The following NFIB variants were observed in gnomAD, a reference collection of about 807,000 sequenced individuals.
NFIB encodes nuclear factor 1 B-type.
A neutral mutation model predicts 61.5 loss-of-function variants in NFIB; 11 were observed. That is an observed-to-expected ratio of 0.18 (90% CI 0.11 to 0.30). The LOEUF (loss-of-function observed/expected upper bound fraction) is 0.30. Among genes scored for constraint, NFIB ranks in the 10% least tolerant of loss-of-function variants. NFIB has a pLI of 1.00. For synonymous variants in NFIB, 260 were observed against 216.5 expected (o/e 1.20, Z -1.76); for missense variants, 471 against 608.9 (o/e 0.77, Z 2.38).
At chr9:14,202,128 T>TCTCACACACA (rs148085046) in intron 2 of NFIB, among the ~76,000 whole-genome samples, 2 of 147,078 alleles carry the variant, frequency 1.4e-5, no homozygotes, top group African/African-American at 5.0e-5. Context: ...TTGATACTTT[T>TCTCACACACA]CACACACACA....
intron 1 of NFIB, among the ~76,000 whole-genome samples, chr9:14,346,288 A>ACCCCCCCCCC (rs1455937583): frequency 1.4e-5 from 1 of 72,034 alleles, no homozygotes; most frequent in Non-Finnish European, 3.8e-5. Flanking sequence ...GAGGTAACCG[A>ACCCCCCCCCC]CACCCCCCCC....
intron 1 of NFIB, among the ~76,000 whole-genome samples, chr9:14,366,252 G>A (rs573888471): frequency 1.6e-4 from 25 of 152,204 alleles, no homozygotes; most frequent in South Asian, 4.1e-4. Flanking sequence ...CACCACAGCC[G>A]AGGCCCGTGC....
chr9:14,515,664 C>G, the NFIB span, among the ~76,000 whole-genome samples: 1 of 152,062 alleles, frequency 6.6e-6, no homozygotes, highest in African/African-American at 2.4e-5. Flanking sequence ...GTCTGAGGCC[C>G]AATGTCCTAG....
intron 2 of NFIB, among the ~76,000 whole-genome samples, chr9:14,296,536 G>T (rs995831951): frequency 5.3e-5 from 8 of 152,198 alleles, no homozygotes; most frequent in Non-Finnish European, 1.0e-4. Context: ...AGATAATTAG[G>T]TCATGAGATT....
At chr9:14,128,695 CA>C (rs202216145) in intron 6 of NFIB, among the ~76,000 whole-genome samples, 1,311 of 79,520 alleles carry the variant, frequency 0.016, 11 homozygotes, top group East Asian at 0.053. Flanking sequence ...AACTCTGTCT[CA>C]AAAAAAAAAA....
At chr9:14,167,549 C>T (rs2045015531) in intron 3 of NFIB, among the ~76,000 whole-genome samples, 1 of 152,010 alleles carries the variant, frequency 6.6e-6, no homozygotes, top group African/African-American at 2.4e-5. Context: ...ACAAAACAAA[C>T]AAACACATAT....
At chr9:14,488,116 G>A in the NFIB span, among the ~76,000 whole-genome samples, 1 of 152,114 alleles carries the variant, frequency 6.6e-6, no homozygotes, top group African/African-American at 2.4e-5. Flanking sequence ...GCTGGCTCGT[G>A]TCTGTAATCC....
chr9:14,509,736 G>C, the NFIB span, among the ~76,000 whole-genome samples: 1 of 152,192 alleles, frequency 6.6e-6, no homozygotes, highest in Non-Finnish European at 1.5e-5. Context: ...AATGGAGAAA[G>C]ATAGAATAGG....
At chr9:14,204,142 A>G in intron 2 of NFIB, 1 of 453,496 alleles carries the variant, frequency 2.2e-6, no homozygotes, top group Non-Finnish European at 3.9e-6. Flanking sequence ...TTTGTCTTAC[A>G]ACATTAAAAT....
chr9:14,418,695 G>T, the NFIB span, among the ~76,000 whole-genome samples: 16 of 152,116 alleles, frequency 1.1e-4, no homozygotes, highest in South Asian at 2.1e-4. Flanking sequence ...AGGAAAACGT[G>T]CAGCTTACAT....
intron 10 of NFIB, chr9:14,102,596 G>T: frequency 3.6e-6 from 3 of 843,542 alleles, no homozygotes; most frequent in Non-Finnish European, 5.1e-6. Context: ...AACTAGTACT[G>T]TACATGGCAT....
At chr9:14,478,986 T>C in the NFIB span, among the ~76,000 whole-genome samples, 1 of 152,228 alleles carries the variant, frequency 6.6e-6, no homozygotes, top group African/African-American at 2.4e-5. Flanking sequence ...CTTTAAACAG[T>C]TGCTGGCATA....
chr9:14,221,689 C>G (rs2051694921), intron 2 of NFIB, among the ~76,000 whole-genome samples: 1 of 152,188 alleles, frequency 6.6e-6, no homozygotes, highest in Admixed American at 6.5e-5. Context: ...GACCCACATT[C>G]TCCCATGAAG....
the NFIB span, among the ~76,000 whole-genome samples, chr9:14,524,885 T>C: frequency 6.6e-6 from 1 of 152,204 alleles, no homozygotes; most frequent in Non-Finnish European, 1.5e-5. Context: ...ATACCTTAGA[T>C]TTGTTTTGCA....
At chr9:14,262,023 C>T (rs948225754) in intron 2 of NFIB, among the ~76,000 whole-genome samples, 1 of 152,142 alleles carries the variant, frequency 6.6e-6, no homozygotes, top group African/African-American at 2.4e-5. Flanking sequence ...CTCAGCATGT[C>T]AAAGTGCCAC....
At position 14,085,964 on chromosome 9, in the gene NFIB, C is replaced by A. The variant is rs938556082; in HGVS notation, c.*2345G>T. 2.6e-5 allele frequency: 6 copies of A among 229,326 alleles called. No homozygotes were observed. The highest frequency in any genetic ancestry group is 1.1e-4 in the African/African-American group (5 of 45,146). 14.2% of individuals were successfully genotyped at this position (229,326 alleles called of 1,614,324 possible). A position where few individuals can be genotyped will look rare whatever the true frequency, so the allele number is the denominator to read the frequency against. On this transcript the variant is annotated 3_prime_UTR_variant, in exon 11 of 11. Transcript: ENST00000380953. ...GACAGGCTCACTCTCCACTGTGGAT[C>A]TGGAACTTTCAAGAAAAACTATCAC...
At chr9:14,347,533 A>C (rs2061041348) in intron 1 of NFIB, among the ~76,000 whole-genome samples, 1 of 151,824 alleles carries the variant, frequency 6.6e-6, no homozygotes, top group African/African-American at 2.4e-5. Context: ...GGCTCAGGGC[A>C]AGCTAACAGT....
chr9:14,121,454 T>C (rs2038926535), intron 7 of NFIB, among the ~76,000 whole-genome samples: 1 of 152,226 alleles, frequency 6.6e-6, no homozygotes, highest in Non-Finnish European at 1.5e-5. Context: ...CTGTACATCC[T>C]ACCTGGCAAT....
At chr9:14,110,337 C>G (rs1029253875) in intron 10 of NFIB, among the ~76,000 whole-genome samples, 1 of 152,000 alleles carries the variant, frequency 6.6e-6, no homozygotes, top group African/African-American at 2.4e-5. Context: ...CTTTATAAAG[C>G]AGCCACCATG....
Sources: gnomAD v4.1 joint callset for allele counts (sites outside exome capture counted in the v4.1 genomes callset) on GRCh38, gnomAD v4.1.1 for gene constraint, MANE v1.5 for transcripts, NCBI Gene and HGNC (gene_info 2026-07-23, HGNC 2026-07-21) for gene names.